ALG2: variants seen among roughly 807,000 people sequenced by gnomAD.
The protein encoded by ALG2 is alpha-1,3/1,6-mannosyltransferase ALG2.
In ALG2, 32 loss-of-function variants were observed where a neutral mutation model predicts 30.5. The observed-to-expected ratio is 1.05, with a 90% CI of 0.79 to 1.41. The LOEUF is 1.41. Ranked by LOEUF, ALG2 falls within the 40% of genes most tolerant of loss-of-function variation. ALG2 has a pLI of 0.00. For synonymous variants in ALG2, 253 were observed against 224.8 expected (o/e 1.13, Z -1.12); for missense variants, 574 against 526.4 (o/e 1.09, Z -0.88).
Position 99,221,630 on chromosome 9 carries a change from A to C in ALG2, c.265T>G (p.Cys89Gly), listed in dbSNP as rs1828804380. ...AGGAAAACCATGCGCACGTAGGCGC[A>C]GACGGCGGCGCCGCGGCCGCCCCAG... ...LGWGGRGAAV[C>G]AYVRMVFLAL... The change falls in exon 1 of 2, where the codon TGC becomes GGC. Residue 89 changes from cysteine (C) to glycine (G), a missense_variant. Transcript: ENST00000476832. The C allele has an allele frequency of 6.5e-7, 1 of 1,540,680 alleles. No individual in the cohort carries two copies. Among genetic ancestry groups the C allele is most frequent in the Non-Finnish European group, 8.7e-7 (1 of 1,145,414 alleles).
Position 99,218,251 on chromosome 9 carries a change from G to A in ALG2, c.934C>T (p.Leu312Phe), listed in dbSNP as rs147346291. The change falls in exon 2 of 2, where the codon CTC (leucine) becomes TTC (phenylalanine). Residue 312 changes from leucine to phenylalanine, a missense_variant. By Grantham distance (22) the Leu-to-Phe change is conservative (BLOSUM62 0). Coordinates refer to ENST00000476832, the MANE Select transcript of ALG2 (RefSeq NM_033087.4). Reference protein sequence around the residue: ...SFSDKQKISLLHSCTCVLYTP... With the variant: ...SFSDKQKISLFHSCTCVLYTP... ...TAAAGCACACACGTGCAGCTGTGGA[G>A]GAGGGAGATTTTCTGTTTGTCTGAG... 52 of 1,614,120 alleles carry A rather than the reference G, an allele frequency of 3.2e-5. No homozygotes were observed. Among genetic ancestry groups the A allele is most frequent in the South Asian group, 1.1e-5 (1 of 91,092 alleles).
intron 1 of ALG2, among the ~76,000 whole-genome samples, chr9:99,220,794 CTT>C (rs1310167385): frequency 3.3e-5 from 5 of 152,130 alleles, no homozygotes; most frequent in Non-Finnish European, 7.3e-5. Flanking sequence ...ACAAGAGAAA[CTT>C]AACGGTGGCT....
At position 99,221,547 on chromosome 9, in the gene ALG2, C is replaced by G; in HGVS notation, c.348G>C (p.Gln116His). Residue 116 changes from glutamine to histidine, a missense_variant and splice_region_variant, in exon 1 of 2, where the codon CAG becomes CAC. Transcript: ENST00000476832. Reference protein sequence around the residue: ...DEEFDVVVCDQVSACIPVFRL... With the variant: ...DEEFDVVVCDHVSACIPVFRL... ...GCAGCCGGCCCCGCGGCCGCCTCACCTGGTCGCACACTACCACGTCGAACT... is the reference window on the plus strand; with the variant it reads ...GCAGCCGGCCCCGCGGCCGCCTCACGTGGTCGCACACTACCACGTCGAACT... 2 of 1,543,588 alleles carry G rather than the reference C, an allele frequency of 1.3e-6. No individual in the cohort carries two copies. Among genetic ancestry groups the G allele is most frequent in the East Asian group, 2.4e-5 (1 of 40,888 alleles).
intron 1 of ALG2, among the ~76,000 whole-genome samples, chr9:99,220,361 A>C (rs1157775365): frequency 2.0e-5 from 3 of 152,222 alleles, no homozygotes; most frequent in South Asian, 2.1e-4. Context: ...AATGAAGTGA[A>C]TCTCTAATAT....
At chr9:99,220,984 TA>T in intron 1 of ALG2, 1 of 1,352,372 alleles carries the variant, frequency 7.4e-7, no homozygotes, top group Non-Finnish European at 9.8e-7. Context: ...TTTACCAAGG[TA>T]AAAAGCTTGA....
chr9:99,221,853 C>T lies in ALG2; in HGVS notation c.42G>A (p.Lys14=). The change falls in exon 1 of 2, where the codon AAG becomes AAA. Residue 14 remains lysine, a synonymous_variant. Transcript: ENST00000476832. ...CTGGGTGGAGGAACAGCACCGACGG[C>T]TTGGGAACCGAGTCCCGTTCCCGGC... ...EQGRERDSVP[K]PSVLFLHPDL... The T allele has an allele frequency of 2.5e-6, 4 of 1,593,664 alleles. No homozygotes were observed. The highest frequency in any genetic ancestry group is 3.4e-6 in the Non-Finnish European group (4 of 1,177,212).
rs770722154 is a variant in ALG2, at chr9:99,221,599, A to G, written c.296T>C (p.Leu99Pro). The G allele has an allele frequency of 3.2e-6, 5 of 1,543,630 alleles. No homozygotes were observed. The Admixed American group carries it at 5.9e-5, about 18-fold the overall frequency. The change falls in exon 1 of 2, where the codon CTC becomes CCC. Residue 99 changes from leucine (L) to proline (P), a missense_variant. Transcript: ENST00000476832. ...CTCGTCGGCGAGGAACAGCACGTAGAGCGCCAGGAAAACCATGCGCACGTA... is the reference window on the plus strand; with the variant it reads ...CTCGTCGGCGAGGAACAGCACGTAGGGCGCCAGGAAAACCATGCGCACGTA... ...CAYVRMVFLA[L>P]YVLFLADEEF...
Position 99,218,135 on chromosome 9 carries a change from C to G in ALG2, c.1050G>C (p.Leu350Phe). ...CTGTGACACTGTGGTCAATGGACTC[C>G]AAGGGTCCACCCGAATTAACAGCAA... Reference protein sequence around the residue: ...PVIAVNSGGPLESIDHSVTGF... With the variant: ...PVIAVNSGGPFESIDHSVTGF... Residue 350 changes from leucine to phenylalanine, a missense_variant, in exon 2 of 2, where the codon TTG (leucine) becomes TTC (phenylalanine). Physicochemically the swap from Leu to Phe is conservative, Grantham distance 22. Coordinates refer to ENST00000476832, the MANE Select transcript of ALG2 (RefSeq NM_033087.4). The G allele has an allele frequency of 1.2e-6, 2 of 1,611,360 alleles. No individual in the cohort carries two copies. Among genetic ancestry groups the G allele is most frequent in the Non-Finnish European group, 1.7e-6 (2 of 1,178,030 alleles).
rs921906752 is a variant in ALG2 at position 99,217,098 on chromosome 9, G to C, written c.*836C>G. ...AGAAAGCTTTGCAGCAGTGGCATTT[G>C]AGCCAGGCCTTGGAAGATAAAAAAC... On this transcript the variant is annotated 3_prime_UTR_variant, in exon 2 of 2. Coordinates refer to ENST00000476832, the MANE Select transcript of ALG2 (RefSeq NM_033087.4). The C allele has an allele frequency of 8.8e-6, 4 of 454,030 alleles. No individual in the cohort carries two copies. Among genetic ancestry groups the C allele is most frequent in the Non-Finnish European group, 1.8e-5 (4 of 226,798 alleles). 28.1% of individuals were successfully genotyped at this position (454,030 alleles called of 1,614,324 possible).
chr9:99,221,928 A>T lies in ALG2; in HGVS notation c.-34T>A, dbSNP rs760471407. 29 of 1,550,932 alleles carry T rather than the reference A, an allele frequency of 1.9e-5. No homozygotes were observed. The highest frequency in any genetic ancestry group is 9.1e-5 in the Admixed American group (5 of 55,232). On this transcript the variant is annotated 5_prime_UTR_variant, in exon 1 of 2. Coordinates refer to ENST00000476832, the MANE Select transcript of ALG2 (RefSeq NM_033087.4). ...AGCCGCAACTGCACCCCGCACCCTG[A>T]TGGGGGTCTTCTGCGCAAGCTCCGC...
Position 99,221,704 on chromosome 9 carries a change from C to T in ALG2, c.191G>A (p.Arg64His). 6.3e-7 allele frequency: 1 copy of T among 1,588,414 alleles called. No homozygotes were observed. Among genetic ancestry groups the T allele is most frequent in the Non-Finnish European group, 8.5e-7 (1 of 1,174,268 alleles). Reference sequence around the variant, plus strand: ...CCCGGCACAGCGCACCGGTAGCTCGCGGCTCTCGGCGAAACAGTGGCCCGG... The same window carrying T: ...CCCGGCACAGCGCACCGGTAGCTCGTGGCTCTCGGCGAAACAGTGGCCCGG... The part of the protein sequence containing the change: ...YDPGHCFAES[R>H]ELPVRCAGDW... The change falls in exon 1 of 2, where the codon CGC becomes CAC. Residue 64 changes from arginine to histidine, a missense_variant. By Grantham distance (29) the Arg-to-His change is conservative. Transcript: ENST00000476832.
In ALG2 at chr9:99,218,530, G is replaced by C. The variant is rs1828738369; in HGVS notation, c.655C>G (p.Leu219Val). 2.5e-6 allele frequency: 4 copies of C among 1,614,160 alleles called. No individual in the cohort carries two copies. The highest frequency in any genetic ancestry group is 2.5e-6 in the Non-Finnish European group (3 of 1,180,024). ...AGGAATTTTTTCCCCTTGGGGACTA[G>C]GTCATCCAGCTTTTCAGGAACAACT... ...DSVVPEKLDD[L>V]VPKGKKFLLL... Residue 219 changes from leucine to valine, a missense_variant, in exon 2 of 2, where the codon CTA (leucine) becomes GTA (valine). By Grantham distance (32) the Leu-to-Val change is conservative. Transcript: ENST00000476832.
At chr9:99,220,639 A>AAAATAAAT (rs142326977) in intron 1 of ALG2, among the ~76,000 whole-genome samples, 1 of 152,132 alleles carries the variant, frequency 6.6e-6, no homozygotes, top group Non-Finnish European at 1.5e-5. Flanking sequence ...ACTCCGTTTC[A>AAAATAAAT]AAATAAATAA....
At chr9:99,221,230 C>T (rs1828794686) in intron 1 of ALG2, 6 of 1,247,584 alleles carry the variant, frequency 4.8e-6, no homozygotes, top group Non-Finnish European at 6.4e-6. Flanking sequence ...ACTTCTAATA[C>T]CAGCGTTTCT....
chr9:99,220,849 C>T (rs1828783640), intron 1 of ALG2: 1 of 980,386 alleles, frequency 1.0e-6, no homozygotes, highest in Non-Finnish European at 1.4e-6. Flanking sequence ...AGGTTACATC[C>T]TTCTATACTA....
Position 99,218,078 on chromosome 9 carries a change from G to A in ALG2, c.1107C>T (p.Phe369=), listed in dbSNP as rs1828725238. The A allele has an allele frequency of 1.2e-6, 2 of 1,613,936 alleles. No homozygotes were observed. Among genetic ancestry groups the A allele is most frequent in the African/African-American group, 2.7e-5 (2 of 74,892 alleles). Residue 369 remains phenylalanine (F), a synonymous_variant, in exon 2 of 2, where the codon TTC becomes TTT. Coordinates refer to ENST00000476832, the MANE Select transcript of ALG2 (RefSeq NM_033087.4). ...GFLCEPDPVH[F]SEAIEKFIRE... ...GGATGAACTTTTCTATTGCTTCTGA[G>A]AAGTGCACCGGGTCAGGCTCACACA...
Position 99,217,135 on chromosome 9 carries a change from A to G in ALG2, c.*799T>C, listed in dbSNP as rs1230733597. ...GGAAGATAAAAAACATTTGTGTCCT[A>G]TACTTAGTAGGAGCTTGGTCAAGAC... On this transcript the variant is annotated 3_prime_UTR_variant, in exon 2 of 2. Transcript: ENST00000476832. The G allele has an allele frequency of 4.4e-6, 2 of 454,014 alleles. No homozygotes were observed. The highest frequency in any genetic ancestry group is 2.3e-5 in the Admixed American group (1 of 42,562). The allele number at this position is 454,014 out of a possible 1,614,324, so 28.1% of individuals were successfully genotyped here.
At position 99,217,859 on chromosome 9, in the gene ALG2, GTTTC is replaced by G. The variant is rs1828720405; in HGVS notation, c.*71_*74del. 3.3e-6 allele frequency: 5 copies of G among 1,494,572 alleles called. No homozygotes were observed. Among genetic ancestry groups the G allele is most frequent in the Non-Finnish European group, 4.7e-6 (5 of 1,073,708 alleles). 92.6% of individuals were successfully genotyped at this position (1,494,572 alleles called of 1,614,324 possible). A position where few individuals can be genotyped will look rare whatever the true frequency, so the allele number is the denominator to read the frequency against. Reference sequence around the variant, plus strand: ...AGATCTCTTCTGCATTAGATTCTAGGTTTCTTTTTTGGTTTCAAAACTGGGTCTA... The same window carrying G: ...AGATCTCTTCTGCATTAGATTCTAGGTTTTTTGGTTTCAAAACTGGGTCTA... On this transcript the variant is annotated 3_prime_UTR_variant, in exon 2 of 2. Coordinates refer to ENST00000476832, the MANE Select transcript of ALG2 (RefSeq NM_033087.4).
rs1255471026 is a variant in ALG2 at position 99,218,046 on chromosome 9, G to A, written c.1139C>T (p.Pro380Leu). ...CAGGCCCATGGTGGCTTTTAAGGAA[G>A]GTTCACGGATGAACTTTTCTATTGC... ...SEAIEKFIRE[P>L]SLKATMGLAG... Residue 380 changes from proline to leucine, a missense_variant, in exon 2 of 2, where the codon CCT becomes CTT. Pro to Leu is a moderately conservative substitution (Grantham distance 98). Coordinates refer to ENST00000476832, the MANE Select transcript of ALG2 (RefSeq NM_033087.4). 1 of 1,614,162 alleles carries A rather than the reference G, an allele frequency of 6.2e-7. No homozygotes were observed. Among genetic ancestry groups the A allele is most frequent in the Admixed American group, 1.7e-5 (1 of 60,020 alleles).
Sources: gnomAD v4.1 joint callset for allele counts (sites outside exome capture counted in the v4.1 genomes callset) on GRCh38, gnomAD v4.1.1 for gene constraint, MANE v1.5 for transcripts, NCBI Gene and HGNC (gene_info 2026-07-23, HGNC 2026-07-21) for gene names.